TRAPPC11: variants seen among roughly 807,000 people sequenced by gnomAD.
TRAPPC11 encodes trafficking protein particle complex subunit 11, also known as foie gras homolog.
Under a neutral mutation model 151.2 loss-of-function variants are expected in TRAPPC11, and 104 were observed. The ratio of observed to expected loss-of-function variants is 0.69; its 90% confidence interval spans 0.59 to 0.81. The LOEUF is 0.81. TRAPPC11 is among the 30% of genes least tolerant of loss of function. The pLI, the probability that TRAPPC11 is intolerant of heterozygous loss-of-function variation, is 0.00. For synonymous variants in TRAPPC11, 456 were observed against 472.3 expected (o/e 0.97, Z 0.45); for missense variants, 1,230 against 1,349.6 (o/e 0.91, Z 1.39).
chr4:183,708,541 C>G lies in TRAPPC11; in HGVS notation c.3324C>G (p.Leu1108=). 6.2e-7 allele frequency: 1 copy of G among 1,614,066 alleles called. No individual in the cohort carries two copies. The highest frequency in any genetic ancestry group is 8.5e-7 in the Non-Finnish European group (1 of 1,179,994). ...LRFPNFTNQL[L]RRFIPTSIFV... is the part of the protein sequence containing the mutation. ...TTCCTAACTTCACAAATCAGCTGCT[C>G]AGGCGTTTTATACCTACCAGTATTT... Residue 1108 remains leucine (L), a synonymous_variant, in exon 29 of 30, where the codon CTC becomes CTG. Coordinates refer to ENST00000334690, the MANE Select transcript of TRAPPC11 (RefSeq NM_021942.6).
At position 183,659,434 on chromosome 4, in the gene TRAPPC11, G is replaced by T. The variant is rs1330389519; in HGVS notation, c.-35G>T. 6.4e-6 allele frequency: 1 copy of T among 155,938 alleles called. No homozygotes were observed. The highest frequency in any genetic ancestry group is 1.4e-5 in the Non-Finnish European group (1 of 70,546). 9.7% of individuals were successfully genotyped at this position (155,938 alleles called of 1,614,324 possible). ...CCGGCCTCAGCTGCAGCGGGCCCGG[G>T]GCGTGGGGCCTGGGTGAGTCCGGGC... is the stretch of plus-strand genomic sequence containing the variant. On this transcript the variant is annotated 5_prime_UTR_variant, in exon 1 of 30. Transcript: ENST00000334690.
At chr4:183,677,223 A>T (rs539728310) in intron 7 of TRAPPC11, among the ~76,000 whole-genome samples, 16 of 152,336 alleles carry the variant, frequency 1.1e-4, no homozygotes, top group Admixed American at 2.6e-4. Context: ...TTACTGACAG[A>T]TGTTAATGAC....
chr4:183,709,444 T>A (rs1249819974), intron 29 of TRAPPC11, among the ~76,000 whole-genome samples: 1 of 152,156 alleles, frequency 6.6e-6, no homozygotes, highest in Non-Finnish European at 1.5e-5. Flanking sequence ...ATAAAAATAA[T>A]TAACCCTCCC....
At chr4:183,665,308 A>G (rs886352169) in intron 2 of TRAPPC11, among the ~76,000 whole-genome samples, 5 of 151,736 alleles carry the variant, frequency 3.3e-5, no homozygotes, top group South Asian at 4.2e-4. Context: ...GTTAGCCAGG[A>G]TGGTCTCGAT....
At position 183,694,041 on chromosome 4, in the gene TRAPPC11, A is replaced by G; in HGVS notation, c.2508+3A>G. ...GAGACTTACATCCAGGGGAACAGGT[A>G]AACTTGGTCAACTGGGATTGAAGAG... On this transcript the variant is annotated splice_donor_region_variant and intron_variant, in intron 22 of 29. Coordinates refer to ENST00000334690, the MANE Select transcript of TRAPPC11 (RefSeq NM_021942.6). 2 of 1,612,872 alleles carry G rather than the reference A, an allele frequency of 1.2e-6. No homozygotes were observed. The highest frequency in any genetic ancestry group is 1.7e-6 in the Non-Finnish European group (2 of 1,179,334).
chr4:183,660,941 T>C (rs1579144741), intron 1 of TRAPPC11, among the ~76,000 whole-genome samples: 2 of 152,002 alleles, frequency 1.3e-5, no homozygotes, highest in South Asian at 4.2e-4. Context: ...TTTGAACCGT[T>C]GACCTCGTGA....
At chr4:183,688,256 G>C (rs1301150079) in intron 18 of TRAPPC11, among the ~76,000 whole-genome samples, 2 of 152,096 alleles carry the variant, frequency 1.3e-5, no homozygotes, top group African/African-American at 2.4e-5. Flanking sequence ...GCTGTAGTAG[G>C]CATGCCAGAA....
chr4:183,701,572 T>G, intron 25 of TRAPPC11, 125 bp from the exon 26 acceptor site: 3 of 659,786 alleles, frequency 4.5e-6, no homozygotes, highest in South Asian at 1.9e-5. Context: ...AACCCTACTT[T>G]CTAAGTCTCT....
intron 29 of TRAPPC11, among the ~76,000 whole-genome samples, chr4:183,711,469 A>T (rs984928409): frequency 5.9e-5 from 9 of 152,166 alleles, no homozygotes; most frequent in African/African-American, 1.9e-4. Context: ...TAAAAGCTAC[A>T]TTTGGCAGGG....
chr4:183,694,592 A>T lies in TRAPPC11; in HGVS notation c.2509-12A>T. ...TAATACTAATTAAATTACAACATTT[A>T]TTTTGTTACAGCTGGAAAAAATGTT... On this transcript the variant is annotated splice_polypyrimidine_tract_variant and intron_variant, in intron 22 of 29. Coordinates refer to ENST00000334690, the MANE Select transcript of TRAPPC11 (RefSeq NM_021942.6). 1 of 1,607,994 alleles carries T rather than the reference A, an allele frequency of 6.2e-7. No homozygotes were observed. The highest frequency in any genetic ancestry group is 8.5e-7 in the Non-Finnish European group (1 of 1,176,210).
chr4:183,711,933 A>G (rs1737359406), intron 29 of TRAPPC11, among the ~76,000 whole-genome samples: 1 of 150,852 alleles, frequency 6.6e-6, no homozygotes, highest in Non-Finnish European at 1.5e-5. Context: ...AAATTTTACA[A>G]CTAAAAACAG....
At chr4:183,688,423 T>C (rs536661919) in intron 18 of TRAPPC11, among the ~76,000 whole-genome samples, 2 of 152,294 alleles carry the variant, frequency 1.3e-5, no homozygotes, top group East Asian at 1.9e-4. Context: ...AGAGGGTTTA[T>C]AATGCTGGGT....
At chr4:183,667,354 T>TA (rs1734936291) in intron 4 of TRAPPC11, among the ~76,000 whole-genome samples, 1 of 152,246 alleles carries the variant, frequency 6.6e-6, no homozygotes, top group Non-Finnish European at 1.5e-5. Context: ...CCTGTTCCAC[T>TA]TGTCTTCTTA....
intron 19 of TRAPPC11, among the ~76,000 whole-genome samples, chr4:183,692,100 G>C (rs1037321741): frequency 2.0e-5 from 3 of 152,152 alleles, no homozygotes; most frequent in Non-Finnish European, 2.9e-5. Flanking sequence ...TTGTGTCTCA[G>C]TGTATTCATC....
At chr4:183,661,372 T>TG (rs1317139664) in intron 1 of TRAPPC11, among the ~76,000 whole-genome samples, 1 of 136,590 alleles carries the variant, frequency 7.3e-6, no homozygotes, top group African/African-American at 2.8e-5. Flanking sequence ...TTTTTTTTTT[T>TG]TTTTTTTTTT....
intron 18 of TRAPPC11, among the ~76,000 whole-genome samples, chr4:183,690,466 G>A (rs1380446625): frequency 1.3e-5 from 2 of 152,216 alleles, no homozygotes; most frequent in Non-Finnish European, 2.9e-5. Flanking sequence ...TGGGAAGGCA[G>A]ATGCACATTC....
intron 26 of TRAPPC11, among the ~76,000 whole-genome samples, chr4:183,704,090 TTGACAGTC>T (rs1162372017): frequency 1.3e-5 from 2 of 152,214 alleles, no homozygotes; most frequent in African/African-American, 4.8e-5. Context: ...TGCATCATGA[TTGACAGTC>T]TGACACACCT....
At chr4:183,667,769 C>T (rs80165833) in intron 4 of TRAPPC11, among the ~76,000 whole-genome samples, 3,037 of 152,240 alleles carry the variant, frequency 0.02, 65 homozygotes, top group East Asian at 0.079. Flanking sequence ...CATTACTTGG[C>T]CACCTATCCT....
intron 29 of TRAPPC11, among the ~76,000 whole-genome samples, chr4:183,710,159 T>A (rs1463974910): frequency 3.9e-5 from 6 of 152,216 alleles, no homozygotes; most frequent in African/African-American, 1.4e-4. Context: ...TTCTCTTTCA[T>A]TCCTTTCTCT....
Sources: gnomAD v4.1 joint callset for allele counts (sites outside exome capture counted in the v4.1 genomes callset) on GRCh38, gnomAD v4.1.1 for gene constraint, MANE v1.5 for transcripts, NCBI Gene and HGNC (gene_info 2026-07-23, HGNC 2026-07-21) for gene names.